Variants in ATP7B observed in about 807,000 individuals in gnomAD.
ATP7B encodes the protein ATPase copper transporting beta, also known as copper-transporting ATPase 2.
In ATP7B, 113 loss-of-function variants were observed where a neutral mutation model predicts 118.9. The observed-to-expected ratio is 0.95, with a 90% confidence interval of 0.82 to 1.11. The LOEUF (loss-of-function observed/expected upper bound fraction) is 1.11. Ranked by LOEUF, ATP7B falls within the 50% of genes most tolerant of loss-of-function variation. The pLI is 0.00. For synonymous variants in ATP7B, 777 were observed against 727.4 expected, an observed-to-expected ratio of 1.07 and a Z score of -1.10; for missense variants, 1,867 against 1,871.4, an observed-to-expected ratio of 1.00 and a Z score of 0.04.
chr13:51,987,624 A>T (rs1952719482), intron 1 of ATP7B, among the ~76,000 whole-genome samples: 1 of 152,250 alleles, frequency 6.6e-6, no homozygotes, highest in Admixed American at 6.5e-5. Context: ...AAGCAAAAAG[A>T]ACAAAGCCGG....
Position 51,974,553 on chromosome 13 carries a change from C to A in ATP7B, c.667G>T (p.Asp223Tyr). Residue 223 changes from aspartate (D) to tyrosine (Y), a missense_variant, in exon 2 of 21, where the codon GAT (aspartate) becomes TAT (tyrosine). Transcript: ENST00000242839. ...TTAGTGCTTTGTAACCGCTCAATAT[C>A]AATTGGTCCCAGGCTTAAGGGAGCC... ...KVAPLSLGPI[D>Y]IERLQSTNPK... The A allele has an allele frequency of 6.2e-7, 1 of 1,614,168 alleles. No homozygotes were observed. Among genetic ancestry groups the A allele is most frequent in the Admixed American group, 1.7e-5 (1 of 60,018 alleles).
intron 2 of ATP7B, among the ~76,000 whole-genome samples, chr13:51,971,054 T>C (rs1951818431): frequency 6.6e-6 from 1 of 152,230 alleles, no homozygotes; most frequent in African/African-American, 2.4e-5. Context: ...TTATCTTTCA[T>C]TTCCTTCAGG....
rs768218512 is a variant in ATP7B, at chr13:51,957,548, A to T, written c.2415T>A (p.Val805=). Residue 805 remains valine (V), a synonymous_variant, in exon 9 of 21, where the codon GTT becomes GTA. Coordinates refer to ENST00000242839, the MANE Select transcript of ATP7B (RefSeq NM_000053.4). ...LMSLQATEAT[V]VTLGEDNLII... is the part of the protein sequence containing the mutation. ...TTAAATTGTCCTCACCAAGGGTCAC[A>T]ACGGTGGCTTCTGTGGCTTGGAGAG... is the stretch of plus-strand genomic sequence containing the variant. 4 of 1,614,188 alleles carry T rather than the reference A, an allele frequency of 2.5e-6. No individual in the cohort carries two copies. In the East Asian group the frequency reaches 8.9e-5, roughly 36 times the overall value.
chr13:51,984,623 C>T (rs1334872187), intron 1 of ATP7B, among the ~76,000 whole-genome samples: 3 of 152,112 alleles, frequency 2.0e-5, no homozygotes, highest in Non-Finnish European at 4.4e-5. Context: ...TCAGATTCAC[C>T]AAGCTTGAAA....
chr13:51,945,077 G>GCCTT (rs10651715), intron 13 of ATP7B, among the ~76,000 whole-genome samples: 84,093 of 151,436 alleles, frequency 0.56, 23,492 homozygotes, highest in Middle Eastern at 0.63. Flanking sequence ...CTGAGCGGTG[G>GCCTT]CCTTCCTTCC....
chr13:52,011,443 AGT>A lies in ATP7B; in HGVS notation c.-108_-107del, dbSNP rs1269573945. On this transcript the variant is annotated 5_prime_UTR_variant, in exon 1 of 21. Transcript: ENST00000242839. ...TAAAGTCCCGGGAGAGGAGGCGCAG[AGT>A]GTGAGGGCATCGGCGCGGCTCGGCT... 1.4e-6 allele frequency: 2 copies of A among 1,469,780 alleles called. No homozygotes were observed. The highest frequency in any genetic ancestry group is 3.6e-5 in the Admixed American group (2 of 56,328). The allele number at this position is 1,469,780 out of a possible 1,614,324, so 91.0% of individuals were successfully genotyped here.
At chr13:51,972,072 C>T (rs776349823) in intron 2 of ATP7B, among the ~76,000 whole-genome samples, 1 of 152,220 alleles carries the variant, frequency 6.6e-6, no homozygotes, top group Non-Finnish European at 1.5e-5. Flanking sequence ...CAACACACCA[C>T]CCACACAGCT....
rs78265028 is a variant in ATP7B at position 51,944,296 on chromosome 13, C to G, written c.3061-5G>C. On this transcript the variant is annotated splice_region_variant and splice_polypyrimidine_tract_variant and intron_variant, in intron 13 of 20. Coordinates refer to ENST00000242839, the MANE Select transcript of ATP7B (RefSeq NM_000053.4). ...GTCAAACATCACAGTCTTTATCTGC[C>G]AAAAACAACCACAACTCACTGACCA... The G allele has an allele frequency of 2.5e-6, 4 of 1,613,692 alleles. No individual in the cohort carries two copies. The East Asian group carries it at 8.9e-5, about 36-fold the overall frequency.
rs760035704 is a variant in ATP7B, at chr13:51,946,459, G to A, written c.2885C>T (p.Ser962Phe). The A allele has an allele frequency of 6.2e-7, 1 of 1,614,246 alleles. No homozygotes were observed. Among genetic ancestry groups the A allele is most frequent in the South Asian group, 1.1e-5 (1 of 91,088 alleles). The change falls in exon 13 of 21, where the codon TCC (serine) becomes TTC (phenylalanine). Residue 962 changes from serine (S) to phenylalanine (F), a missense_variant. Ser to Phe is a radical substitution (Grantham distance 155). Transcript: ENST00000242839. ...RYFPNPNKHI[S>F]QTEVIIRFAF... ...AAACCGGATGATCACCTCTGTCTGG[G>A]AGATGTGCTTGTTGGGGTTCTGAAA... is the stretch of plus-strand genomic sequence containing the variant.
intron 5 of ATP7B, 91 bp from the exon 6 acceptor site, chr13:51,962,004 T>C: frequency 8.9e-7 from 1 of 1,123,852 alleles, no homozygotes; most frequent in South Asian, 1.3e-5. Context: ...GCTTTGGAAA[T>C]TAGAAAGTGA....
intron 7 of ATP7B, chr13:51,959,828 T>C (rs1196174605): frequency 1.0e-5 from 4 of 397,206 alleles, no homozygotes; most frequent in Non-Finnish European, 1.9e-5. Context: ...CTAAACAATA[T>C]GCACATTGGA....
At position 51,935,598 on chromosome 13, in the gene ATP7B, G is replaced by A; in HGVS notation, c.4119C>T (p.Leu1373=). Residue 1373 remains leucine (L), a synonymous_variant, in exon 20 of 21, where the codon CTC becomes CTT. Coordinates refer to ENST00000242839, the MANE Select transcript of ATP7B (RefSeq NM_000053.4). The part of the protein sequence containing the change: ...SVSVVLSSLQ[L]KCYKKPDLER... ...CTCCACCTGAGGGGACTCACCACTT[G>A]AGCTGCAGGGATGAGAGCACCACAG... is the stretch of plus-strand genomic sequence containing the variant. The A allele has an allele frequency of 2.5e-6, 4 of 1,613,232 alleles. No homozygotes were observed. Among genetic ancestry groups the A allele is most frequent in the Non-Finnish European group, 3.4e-6 (4 of 1,179,728 alleles).
rs764702485 is a variant in ATP7B at position 51,937,515 on chromosome 13, C to T, written c.3864G>A (p.Thr1288=). Residue 1288 remains threonine (T), a synonymous_variant, in exon 18 of 21, where the codon ACG becomes ACA. Transcript: ENST00000242839. ...CGTCGGCTGCCTCGATGGCCACATC[C>T]GTGCCGGTGCCAATGGCCACACCCA... is the stretch of plus-strand genomic sequence containing the variant. ...ADMGVAIGTG[T]DVAIEAADVV... 52 of 1,614,172 alleles carry T rather than the reference C, an allele frequency of 3.2e-5. No homozygotes were observed. The South Asian group carries it at 4.2e-4, about 13-fold the overall frequency.
At chr13:51,952,015 C>A (rs927646104) in intron 9 of ATP7B, among the ~76,000 whole-genome samples, 2 of 152,108 alleles carry the variant, frequency 1.3e-5, no homozygotes, top group South Asian at 2.1e-4. Flanking sequence ...AGAGAGCACG[C>A]AGTGAGAAGG....
At chr13:52,001,508 G>A (rs1240096359) in intron 1 of ATP7B, among the ~76,000 whole-genome samples, 2 of 151,940 alleles carry the variant, frequency 1.3e-5, no homozygotes, top group Admixed American at 6.6e-5. Context: ...ACCTGCCTCC[G>A]GAACTGTCTA....
At chr13:51,999,724 G>A (rs1299626272) in intron 1 of ATP7B, among the ~76,000 whole-genome samples, 1 of 152,070 alleles carries the variant, frequency 6.6e-6, no homozygotes, top group Non-Finnish European at 1.5e-5. Context: ...ACAAGAATGT[G>A]ACAGAACGCA....
chr13:52,011,596 G>A, upstream of ATP7B: 2 of 596,706 alleles, frequency 3.4e-6, no homozygotes, highest in Non-Finnish European at 6.1e-6. Context: ...GGGGATGAGA[G>A]CGTGAGGGGA....
chr13:52,000,963 C>T (rs1362649495), intron 1 of ATP7B, among the ~76,000 whole-genome samples: 1 of 152,078 alleles, frequency 6.6e-6, no homozygotes, highest in African/African-American at 2.4e-5. Flanking sequence ...GAGGTTGCAG[C>T]GATCTGTGAT....
chr13:51,970,325 C>T (rs1951776479), intron 3 of ATP7B, among the ~76,000 whole-genome samples, 167 bp downstream of exon 3: 1 of 152,160 alleles, frequency 6.6e-6, no homozygotes, highest in Admixed American at 6.5e-5. Context: ...TCTTAAAGAA[C>T]ACAATGCCAG....
Sources: allele counts gnomAD v4.1 joint callset (sites outside exome capture counted in the v4.1 genomes callset), GRCh38; gene constraint gnomAD v4.1.1; transcripts MANE v1.5; gene names NCBI Gene and HGNC (gene_info 2026-07-23, HGNC 2026-07-21).